The following TANC2 variants were observed in gnomAD, a reference collection of about 807,000 sequenced individuals.
TANC2 encodes protein TANC2.
TANC2 carries 26 observed loss-of-function variants against 210.5 expected under a neutral mutation model. The observed-to-expected ratio is 0.12, with a 90% CI of 0.09 to 0.17. The LOEUF (loss-of-function observed/expected upper bound fraction) is 0.17. Among genes scored for constraint, TANC2 ranks in the 10% least tolerant of loss-of-function variants. The pLI is 1.00. For synonymous variants in TANC2, 931 were observed against 967.1 expected (o/e 0.96, Z 0.69); for missense variants, 2,129 against 2,608.9 (o/e 0.82, Z 4.01).
At chr17:63,389,628 A>G (rs1411571713) in intron 17 of TANC2, 84 bp downstream of exon 17, 5 of 1,308,872 alleles carry the variant, frequency 3.8e-6, no homozygotes, top group Non-Finnish European at 5.4e-6. Flanking sequence ...GTGTTACTTC[A>G]TGAGTCTGGG....
Position 63,412,755 on chromosome 17 carries a change from T to C in TANC2, c.3928+46T>C. The C allele has an allele frequency of 5.2e-6, 8 of 1,534,628 alleles. No individual in the cohort carries two copies. The highest frequency in any genetic ancestry group is 7.0e-6 in the Non-Finnish European group (8 of 1,146,494). On this transcript the variant is annotated intron_variant, in intron 24 of 27. Coordinates refer to ENST00000689528, the Ensembl canonical transcript of TANC2. This position sits in a 1 kb window ranked among gnomAD's most constrained non-coding sequence, Gnocchi z 4.2. Reference sequence around the variant, plus strand: ...CATCAGGCGTGGTCTGATGGCTTGGTCAGCTTTGCCTTCTCCTCTTTGGTT... The same window carrying C: ...CATCAGGCGTGGTCTGATGGCTTGGCCAGCTTTGCCTTCTCCTCTTTGGTT...
chr17:63,370,181 T>TC (rs1424765880), intron 14 of TANC2, among the ~76,000 whole-genome samples: 3 of 147,056 alleles, frequency 2.0e-5, no homozygotes, highest in Non-Finnish European at 4.4e-5. Context: ...TCTTTTTTTT[T>TC]CTTTTTTTTT....
At chr17:63,371,136 A>G (rs1301477542) in intron 14 of TANC2, among the ~76,000 whole-genome samples, 1 of 152,146 alleles carries the variant, frequency 6.6e-6, no homozygotes, top group African/African-American at 2.4e-5. Context: ...AGCTGTAACT[A>G]TACCACTTTG....
intron 13 of TANC2, among the ~76,000 whole-genome samples, chr17:63,353,473 A>G (rs919608261): frequency 1.3e-5 from 2 of 152,168 alleles, no homozygotes; most frequent in East Asian, 3.8e-4. Flanking sequence ...CACATTGTCT[A>G]TGAAATATCC....
At chr17:63,305,561 T>C (rs1012447912) in intron 9 of TANC2, 4 of 152,242 alleles carry the variant, frequency 2.6e-5, no homozygotes, top group Admixed American at 2.0e-4. Context: ...CTTTCACATG[T>C]AGTCTGTATT....
intron 8 of TANC2, among the ~76,000 whole-genome samples, chr17:63,264,588 A>T (rs560141993): frequency 6.6e-6 from 1 of 152,250 alleles, no homozygotes; most frequent in Admixed American, 6.5e-5. Flanking sequence ...TATTAAACTT[A>T]TTTAATTGAG....
intron 5 of TANC2, among the ~76,000 whole-genome samples, chr17:63,186,535 G>A (rs543523532): frequency 6.6e-6 from 1 of 151,916 alleles, no homozygotes; most frequent in Admixed American, 6.6e-5. Flanking sequence ...TGTATTTTTA[G>A]TAGAGTCGGG....
chr17:63,169,786 C>T (rs2040336587), intron 5 of TANC2, among the ~76,000 whole-genome samples: 2 of 151,696 alleles, frequency 1.3e-5, no homozygotes, highest in South Asian at 2.1e-4. Context: ...TGCACTCCAG[C>T]CTGGCAACAA....
At chr17:63,269,277 C>T (rs1295455848) in intron 9 of TANC2, among the ~76,000 whole-genome samples, 2 of 152,072 alleles carry the variant, frequency 1.3e-5, no homozygotes, top group African/African-American at 2.4e-5. Flanking sequence ...TTCAGTTTGT[C>T]ATATACCAGT....
At chr17:63,272,782 A>C (rs1047531158) in intron 9 of TANC2, among the ~76,000 whole-genome samples, 2 of 152,172 alleles carry the variant, frequency 1.3e-5, no homozygotes, top group African/African-American at 4.8e-5. Flanking sequence ...ACACTGTAGT[A>C]TACCCAGTAG....
chr17:63,360,819 C>CCTT, intron 14 of TANC2, among the ~76,000 whole-genome samples: 1 of 152,140 alleles, frequency 6.6e-6, no homozygotes, highest in South Asian at 2.1e-4. Flanking sequence ...TAGCTGGTAA[C>CCTT]CTTCCCCTAC....
At chr17:63,328,360 G>T (rs545089376) in intron 11 of TANC2, among the ~76,000 whole-genome samples, 1 of 139,488 alleles carries the variant, frequency 7.2e-6, no homozygotes, top group Non-Finnish European at 1.5e-5. Context: ...TTAAAACATG[G>T]TATGTGTATG....
intron 7 of TANC2, among the ~76,000 whole-genome samples, chr17:63,225,473 C>T (rs1452939598): frequency 6.6e-6 from 1 of 152,182 alleles, no homozygotes; most frequent in Admixed American, 6.5e-5. Context: ...TCTCTATTCT[C>T]CTGAGCTTCA....
rs1568327707 is a variant in TANC2, at chr17:63,026,281, C to G, written c.67+16655C>G. ...AGTACAAGTTTCATGTAAGTCCATT[C>G]TCTTTTACACTGCTGTATCCTCAGT... On this transcript the variant is annotated intron_variant, in intron 2 of 27. Transcript: ENST00000689528. Among the ~76,000 whole-genome samples the G allele has an allele frequency of 2.0e-5, 3 of 152,130 alleles. No individual in the cohort carries two copies. The South Asian group carries it at 6.2e-4, about 32-fold the overall frequency.
At chr17:63,302,599 C>CTTTTTTTTTTT (rs568226580) in intron 9 of TANC2, among the ~76,000 whole-genome samples, 1 of 22,768 alleles carries the variant, frequency 4.4e-5, no homozygotes, top group Non-Finnish European at 9.2e-5. Context: ...GCAACCCCTG[C>CTTTTTTTTTTT]TTTTTTTTTT....
At chr17:63,220,721 T>A (rs11657538) in intron 7 of TANC2, among the ~76,000 whole-genome samples, 10,697 of 125,940 alleles carry the variant, frequency 0.085, 644 homozygotes, top group Admixed American at 0.17. Context: ...AAAAAAAAAA[T>A]ATATATATAT....
In TANC2 at chr17:63,100,410, G is replaced by A. The variant is rs184408209; in HGVS notation, c.322+1053G>A. 4.7e-3 allele frequency among the ~76,000 whole-genome samples: 718 copies of A among 152,032 alleles called. 5 individuals carry two copies. The highest frequency in any genetic ancestry group is 0.017 in the African/African-American group (686 of 41,486). ...TAAATGAATCAAAGTCACTTTGGCC[G>A]TTAGATACTTCAGTCTAAAGACACT... On this transcript the variant is annotated intron_variant, in intron 4 of 27. Transcript: ENST00000689528.
chr17:63,036,853 T>TTTTTTC lies in TANC2; in HGVS notation c.67+27232_67+27233insCTTTTT, dbSNP rs1598293940. ...ATTAGACTTACATGTAAGTTTTTTT[T>TTTTTTC]TTTTTTTTTTGAGCTAGTGGTACAA... On this transcript the variant is annotated intron_variant, in intron 2 of 27. Coordinates refer to ENST00000689528, the Ensembl canonical transcript of TANC2. 6.6e-5 allele frequency among the ~76,000 whole-genome samples: 10 copies of TTTTTTC among 151,518 alleles called. No homozygotes were observed. In the East Asian group the frequency reaches 1.9e-3, roughly 29 times the overall value.
chr17:63,089,492 A>G (rs958892106), intron 3 of TANC2, among the ~76,000 whole-genome samples: 1 of 152,202 alleles, frequency 6.6e-6, no homozygotes, highest in African/African-American at 2.4e-5. Context: ...AGGTAAGACA[A>G]TTAAGTAGGT....
Sources: allele counts gnomAD v4.1 joint callset (sites outside exome capture counted in the v4.1 genomes callset), GRCh38; gene constraint gnomAD v4.1.1; non-coding constraint Gnocchi (gnomAD v3.1); transcripts MANE v1.5; gene names NCBI Gene and HGNC (gene_info 2026-07-23, HGNC 2026-07-21).